NEK10: variants seen among roughly 807,000 people sequenced by gnomAD.
The protein encoded by NEK10 is serine/threonine-protein kinase Nek10.
NEK10 carries 122 observed loss-of-function variants against 159.8 expected under a neutral mutation model. That is an observed-to-expected ratio of 0.76 (90% CI 0.66 to 0.89). The LOEUF (loss-of-function observed/expected upper bound fraction) is 0.89. NEK10 is among the 40% of genes least tolerant of loss of function. The pLI, the probability that NEK10 is intolerant of heterozygous loss-of-function variation, is 0.00. For missense variants in NEK10, 1,342 were observed against 1,323.1 expected, an observed-to-expected ratio of 1.01 and a Z score of -0.22; for synonymous variants, 466 against 457.1, an observed-to-expected ratio of 1.02 and a Z score of -0.25.
chr3:27,258,364 T>TC (rs1253642354), intron 22 of NEK10, among the ~76,000 whole-genome samples: 4 of 111,424 alleles, frequency 3.6e-5, no homozygotes, highest in Non-Finnish European at 5.4e-5. Context: ...ATGCTATCCC[T>TC]CCCCCCTCCC....
intron 1 of NEK10, among the ~76,000 whole-genome samples, chr3:27,355,649 C>G (rs1290121726): frequency 6.6e-6 from 1 of 152,120 alleles, no homozygotes; most frequent in Non-Finnish European, 1.5e-5. Context: ...CTGCCACAAC[C>G]CCCTCAAGAG....
At chr3:27,325,889 C>G (rs1406362201) in intron 5 of NEK10, among the ~76,000 whole-genome samples, 1 of 152,184 alleles carries the variant, frequency 6.6e-6, no homozygotes, top group Admixed American at 6.5e-5. Flanking sequence ...ACCACAGTTG[C>G]CATCAACACC....
At chr3:27,154,114 G>A (rs1195645299) in intron 30 of NEK10, among the ~76,000 whole-genome samples, 1 of 152,036 alleles carries the variant, frequency 6.6e-6, no homozygotes, top group African/African-American at 2.4e-5. Context: ...AAACAAAACA[G>A]GAGATATTAC....
intron 23 of NEK10, among the ~76,000 whole-genome samples, chr3:27,237,987 T>C (rs919422396): frequency 6.6e-6 from 1 of 152,176 alleles, no homozygotes. Flanking sequence ...AGGTTGTAAA[T>C]ACTATAGCCA....
At chr3:27,358,533 C>T (rs1308658892) in intron 1 of NEK10, among the ~76,000 whole-genome samples, 2 of 152,250 alleles carry the variant, frequency 1.3e-5, no homozygotes, top group East Asian at 1.9e-4. Context: ...CTCATTTGCT[C>T]GTGATGTCTT....
chr3:27,203,773 A>G (rs1228772450), intron 23 of NEK10, among the ~76,000 whole-genome samples: 1 of 152,172 alleles, frequency 6.6e-6, no homozygotes, highest in Non-Finnish European at 1.5e-5. Flanking sequence ...TAATCAACAA[A>G]TTACTGTTCT....
chr3:27,272,180 A>G (rs1032416335), intron 22 of NEK10, among the ~76,000 whole-genome samples: 4 of 152,136 alleles, frequency 2.6e-5, no homozygotes, highest in African/African-American at 9.7e-5. Flanking sequence ...CCCATCACAT[A>G]TGTGTCAGTG....
intron 22 of NEK10, among the ~76,000 whole-genome samples, chr3:27,271,454 A>T (rs1322865331): frequency 6.6e-6 from 1 of 152,204 alleles, no homozygotes; most frequent in Non-Finnish European, 1.5e-5. Flanking sequence ...TGACCAACTT[A>T]TAACCAAAAA....
At chr3:27,126,339 T>C (rs1468572835) in intron 32 of NEK10, among the ~76,000 whole-genome samples, 3 of 152,142 alleles carry the variant, frequency 2.0e-5, no homozygotes, top group Admixed American at 1.3e-4. Context: ...CTGGGCTTTC[T>C]TATCAAAAGC....
At chr3:27,174,110 C>G (rs2148880258) in intron 28 of NEK10, among the ~76,000 whole-genome samples, 1 of 152,266 alleles carries the variant, frequency 6.6e-6, no homozygotes, top group East Asian at 1.9e-4. Flanking sequence ...ATTCATCTAA[C>G]CAACAGGCTC....
At chr3:27,245,750 A>G (rs917173628) in intron 23 of NEK10, among the ~76,000 whole-genome samples, 2 of 152,200 alleles carry the variant, frequency 1.3e-5, no homozygotes, top group Non-Finnish European at 2.9e-5. Context: ...AAATGATTCT[A>G]ATTTCTTAAT....
Position 27,314,316 on chromosome 3 carries a change from C to G in NEK10, c.470G>C (p.Gly157Ala). 1 of 1,603,142 alleles carries G rather than the reference C, an allele frequency of 6.2e-7. No individual in the cohort carries two copies. Among genetic ancestry groups the G allele is most frequent in the Non-Finnish European group, 8.5e-7 (1 of 1,173,594 alleles). Residue 157 changes from glycine (G) to alanine (A), a missense_variant, in exon 7 of 36, where the codon GGG becomes GCG. Gly to Ala is a moderately conservative substitution (Grantham distance 60). Coordinates refer to ENST00000691995, the MANE Select transcript of NEK10 (RefSeq NM_001394966.1). ...TCTTACCTGAGCTAGGTTTTCAATC[C>G]CACCCAAGCTATGGAGTATTTCCTA... ...CYQEILHSLG[G>A]IENLAQYMEI...
At chr3:27,220,846 A>G (rs943317242) in intron 23 of NEK10, among the ~76,000 whole-genome samples, 1 of 152,206 alleles carries the variant, frequency 6.6e-6, no homozygotes, top group Non-Finnish European at 1.5e-5. Context: ...AATAAAACTG[A>G]GAAGCCCTTG....
intron 23 of NEK10, among the ~76,000 whole-genome samples, chr3:27,232,844 T>A (rs144528733): frequency 5.9e-5 from 9 of 151,986 alleles, no homozygotes; most frequent in Admixed American, 2.6e-4. Context: ...GGTTCTGAGA[T>A]AACTGGCAAG....
intron 19 of NEK10, among the ~76,000 whole-genome samples, chr3:27,289,927 A>C (rs1436027359): frequency 6.6e-6 from 1 of 152,240 alleles, no homozygotes; most frequent in Non-Finnish European, 1.5e-5. Flanking sequence ...GATGCTATGC[A>C]AATGTGACCA....
At chr3:27,122,006 T>A (rs1346536416) in intron 32 of NEK10, among the ~76,000 whole-genome samples, 33 of 152,200 alleles carry the variant, frequency 2.2e-4, no homozygotes. Flanking sequence ...ACTTTGGATA[T>A]TGTAAATACA....
chr3:27,351,728 C>T (rs2047984891), intron 3 of NEK10, among the ~76,000 whole-genome samples: 2 of 152,022 alleles, frequency 1.3e-5, no homozygotes, highest in Admixed American at 1.3e-4. Flanking sequence ...TAAGCAAGAA[C>T]AATGTAGACT....
In NEK10 at chr3:27,171,829, A is replaced by T. The variant is rs756951344; in HGVS notation, c.2821T>A (p.Ser941Thr). ...TCAATTTGCACCTACCTTGTTTGGG[A>T]TTGTCTTTCTCCTCCTGAAGCACTA... ...SFSASGGERQ[S>T]QTRDFTGGTG... Residue 941 changes from serine (S) to threonine (T), a missense_variant, in exon 29 of 36, where the codon TCC (serine) becomes ACC (threonine). Coordinates refer to ENST00000691995, the MANE Select transcript of NEK10 (RefSeq NM_001394966.1). 8 of 1,613,812 alleles carry T rather than the reference A, an allele frequency of 5.0e-6. No individual in the cohort carries two copies. The highest frequency in any genetic ancestry group is 1.7e-5 in the Admixed American group (1 of 59,988).
intron 30 of NEK10, among the ~76,000 whole-genome samples, chr3:27,157,060 C>T (rs1381840415): frequency 1.4e-5 from 2 of 146,792 alleles, no homozygotes; most frequent in Non-Finnish European, 3.0e-5. Context: ...GACTATTATT[C>T]TAAGTGAAGT....
Sources: gnomAD v4.1 joint callset for allele counts (sites outside exome capture counted in the v4.1 genomes callset) on GRCh38, gnomAD v4.1.1 for gene constraint, MANE v1.5 for transcripts, NCBI Gene and HGNC (gene_info 2026-07-23, HGNC 2026-07-21) for gene names.